Variants in LSAMP observed in about 807,000 individuals in gnomAD.
LSAMP encodes limbic system-associated membrane protein.
LSAMP carries 7 observed loss-of-function variants against 38.6 expected under a neutral mutation model. The ratio of observed to expected loss-of-function variants is 0.18; its 90% CI spans 0.10 to 0.34. LSAMP has a LOEUF of 0.34. LSAMP is among the 10% of genes least tolerant of loss of function. The pLI is 1.00. For synonymous variants in LSAMP, 154 were observed against 166.8 expected (o/e 0.92, Z 0.59); for missense variants, 313 against 420.0 (o/e 0.75, Z 2.23).
At chr3:116,240,850 A>G (rs1428213707) in intron 1 of LSAMP, among the ~76,000 whole-genome samples, 2 of 152,230 alleles carry the variant, frequency 1.3e-5, no homozygotes, top group African/African-American at 4.8e-5. Flanking sequence ...AAACAGGAAA[A>G]CATGTATCAT....
chr3:116,055,600 A>G (rs2107739471), intron 2 of LSAMP, among the ~76,000 whole-genome samples: 1 of 152,294 alleles, frequency 6.6e-6, no homozygotes, highest in South Asian at 2.1e-4. Context: ...TCTACTCACA[A>G]GTAACCTAAT....
intron 2 of LSAMP, among the ~76,000 whole-genome samples, chr3:116,070,341 C>T (rs966860076): frequency 2.6e-5 from 4 of 152,034 alleles, no homozygotes; most frequent in Non-Finnish European, 4.4e-5. Context: ...TTATTATATC[C>T]AATTTTCTAG....
chr3:116,288,868 G>A (rs2047225342), intron 1 of LSAMP, among the ~76,000 whole-genome samples: 1 of 152,178 alleles, frequency 6.6e-6, no homozygotes, highest in Non-Finnish European at 1.5e-5. Flanking sequence ...ACCAAAGAGA[G>A]ACAAACAGTA....
chr3:116,081,326 C>T lies in LSAMP; in HGVS notation c.388+4998G>A, dbSNP rs1202227155. Among the ~76,000 whole-genome samples, 7 of 151,720 alleles carry T rather than the reference C, an allele frequency of 4.6e-5. No individual in the cohort carries two copies. In the South Asian group the frequency reaches 8.3e-4, roughly 18 times the overall value. ...AAAATTAGGCAGGCATGATGGCACGCGCCTGTAGTCCCAGCTACTTGGGAG... is the reference window on the plus strand; with the variant it reads ...AAAATTAGGCAGGCATGATGGCACGTGCCTGTAGTCCCAGCTACTTGGGAG... On this transcript the variant is annotated intron_variant, in intron 2 of 6. Transcript: ENST00000490035.
chr3:115,957,308 G>T (rs2107587703), intron 3 of LSAMP, among the ~76,000 whole-genome samples: 1 of 152,232 alleles, frequency 6.6e-6, no homozygotes, highest in African/African-American at 2.4e-5. Flanking sequence ...TACACAAATG[G>T]CTCGTGTTGA....
intron 6 of LSAMP, among the ~76,000 whole-genome samples, chr3:115,815,314 T>C (rs768235396): frequency 6.6e-6 from 1 of 152,216 alleles, no homozygotes; most frequent in South Asian, 2.1e-4. Context: ...GGTTCTGTAC[T>C]ATCTGCAGTT....
chr3:115,852,479 T>C lies in LSAMP; in HGVS notation c.649+4A>G. 1 of 1,608,660 alleles carries C rather than the reference T, an allele frequency of 6.2e-7. No homozygotes were observed. Among genetic ancestry groups the C allele is most frequent in the Non-Finnish European group, 8.5e-7 (1 of 1,177,738 alleles). ...TAGCACCTGCTGGCTCCTGCCGTAC[T>C]CACAGTTCACAGTGACCTTGACTTG... On this transcript the variant is annotated splice_donor_region_variant and intron_variant, in intron 4 of 6. Coordinates refer to ENST00000490035, the MANE Select transcript of LSAMP (RefSeq NM_002338.5).
At chr3:116,443,603 G>A (rs766526188) in intron 1 of LSAMP, among the ~76,000 whole-genome samples, 10 of 152,140 alleles carry the variant, frequency 6.6e-5, no homozygotes, top group Non-Finnish European at 1.3e-4. Flanking sequence ...GCTGCTGTCG[G>A]CAGCTCTGCT....
At chr3:116,006,728 T>C (rs1940171642) in intron 3 of LSAMP, among the ~76,000 whole-genome samples, 2 of 152,182 alleles carry the variant, frequency 1.3e-5, no homozygotes, top group Admixed American at 1.3e-4. Context: ...CCATAAGCAA[T>C]GGGCAGCTAA....
At chr3:116,210,999 C>T (rs2046149348) in intron 1 of LSAMP, among the ~76,000 whole-genome samples, 3 of 150,838 alleles carry the variant, frequency 2.0e-5, no homozygotes, top group African/African-American at 7.3e-5. Context: ...ACTACTCAAC[C>T]TTAAAAAAAA....
chr3:116,226,271 C>G (rs2046340924), intron 1 of LSAMP, among the ~76,000 whole-genome samples: 1 of 152,170 alleles, frequency 6.6e-6, no homozygotes, highest in African/African-American at 2.4e-5. Context: ...AGATAATAGT[C>G]TCCTCAGCTT....
intron 1 of LSAMP, among the ~76,000 whole-genome samples, chr3:116,155,218 TTTTTG>T (rs1281823433): frequency 2.6e-5 from 4 of 151,916 alleles, no homozygotes; most frequent in South Asian, 2.1e-4. Flanking sequence ...AGGTCTGTTT[TTTTTG>T]TTTTGTTTTG....
chr3:116,372,725 A>C (rs2048445407), intron 1 of LSAMP, among the ~76,000 whole-genome samples: 1 of 151,794 alleles, frequency 6.6e-6, no homozygotes, highest in South Asian at 2.1e-4. Context: ...TGGGCAAAAG[A>C]CTTGAATAGA....
At chr3:116,346,312 A>G (rs1362330870) in intron 1 of LSAMP, among the ~76,000 whole-genome samples, 2 of 148,192 alleles carry the variant, frequency 1.3e-5, no homozygotes, top group East Asian at 4.2e-4. Flanking sequence ...TTTTTTTTCT[A>G]AGGGTTAGTT....
intron 3 of LSAMP, among the ~76,000 whole-genome samples, chr3:115,885,670 C>G (rs1321127045): frequency 6.7e-6 from 1 of 150,108 alleles, no homozygotes; most frequent in Non-Finnish European, 1.5e-5. Context: ...CTGCATAAAG[C>G]AAGATAGATG....
chr3:116,173,134 T>G (rs1710244206), intron 1 of LSAMP, among the ~76,000 whole-genome samples: 1 of 151,996 alleles, frequency 6.6e-6, no homozygotes, highest in African/African-American at 2.4e-5. Flanking sequence ...TGGTTATGGG[T>G]AACTTGCACA....
intron 3 of LSAMP, among the ~76,000 whole-genome samples, chr3:115,979,566 A>G (rs1029685786): frequency 2.0e-5 from 3 of 152,130 alleles, no homozygotes; most frequent in African/African-American, 7.2e-5. Flanking sequence ...CCAGAAATAT[A>G]AGCAGAAATT....
intron 1 of LSAMP, among the ~76,000 whole-genome samples, chr3:116,161,855 G>T (rs1388167614): frequency 6.6e-6 from 1 of 152,010 alleles, no homozygotes. Context: ...ATCTGTGCTG[G>T]GAAGCATTTA....
rs1249307268 is a variant in LSAMP at position 115,807,156 on chromosome 3, T to G, written c.*3161A>C. ...TTGAAGGAATTTATTCCAATATGAT[T>G]AACTAAATTCCAAGAAGTCTTATGT... On this transcript the variant is annotated 3_prime_UTR_variant, in exon 7 of 7. Coordinates refer to ENST00000490035, the MANE Select transcript of LSAMP (RefSeq NM_002338.5). 2 of 152,162 alleles carry G rather than the reference T, an allele frequency of 1.3e-5. No homozygotes were observed. The highest frequency in any genetic ancestry group is 2.9e-5 in the Non-Finnish European group (2 of 68,028). 9.4% of individuals were successfully genotyped at this position (152,162 alleles called of 1,614,324 possible). A position where few individuals can be genotyped will look rare whatever the true frequency, so the allele number is the denominator to read the frequency against.
Sources: allele counts gnomAD v4.1 joint callset (sites outside exome capture counted in the v4.1 genomes callset), GRCh38; gene constraint gnomAD v4.1.1; transcripts MANE v1.5; gene names NCBI Gene and HGNC (gene_info 2026-07-23, HGNC 2026-07-21).